The following CLYBL variants were observed in gnomAD, a reference collection of about 807,000 sequenced individuals.
CLYBL encodes the protein citramalyl-CoA lyase, mitochondrial.
Under a neutral mutation model 38.9 loss-of-function variants are expected in CLYBL, and 31 were observed. That is an observed-to-expected ratio of 0.80 (90% confidence interval 0.60 to 1.08). The LOEUF (loss-of-function observed/expected upper bound fraction) is 1.08, where lower values mean the gene tolerates loss of function less well. CLYBL is among the 50% of genes least tolerant of loss of function. CLYBL has a pLI of 0.00. For missense variants in CLYBL, 434 were observed against 411.6 expected, an observed-to-expected ratio of 1.05 and a Z score of -0.47; for synonymous variants, 171 against 158.6, an observed-to-expected ratio of 1.08 and a Z score of -0.59.
intron 6 of CLYBL, among the ~76,000 whole-genome samples, chr13:99,870,600 ATTATCCT>A (rs2051863480): frequency 6.6e-6 from 1 of 152,206 alleles, no homozygotes; most frequent in South Asian, 2.1e-4. Context: ...ATTTGCAGAC[ATTATCCT>A]TTAAAGTCCC....
At chr13:99,668,293 TAG>T (rs774831883) in intron 1 of CLYBL, among the ~76,000 whole-genome samples, 67 of 138,920 alleles carry the variant, frequency 4.8e-4, no homozygotes, top group Non-Finnish European at 9.1e-4. Flanking sequence ...AAATCTTTAA[TAG>T]AACACTGGCG....
intron 1 of CLYBL, among the ~76,000 whole-genome samples, chr13:99,639,922 A>C (rs141403865): frequency 6.6e-5 from 10 of 152,364 alleles, no homozygotes; most frequent in African/African-American, 2.4e-4. Context: ...GCATAGCCTG[A>C]GTACATGATT....
At chr13:99,901,637 A>ATT (rs1413984777), downstream of CLYBL, among the ~76,000 whole-genome samples, 5 of 65,434 alleles carry the variant, frequency 7.6e-5, no homozygotes, top group African/African-American at 1.1e-4. Context: ...GGTTTTTTGG[A>ATT]TTTTTTTGTT....
intron 2 of CLYBL, among the ~76,000 whole-genome samples, chr13:99,837,364 C>T (rs1031974492): frequency 2.0e-5 from 3 of 152,130 alleles, no homozygotes; most frequent in African/African-American, 4.8e-5. Context: ...GTGGGTGGAT[C>T]GTTTGGGCCT....
At chr13:99,639,118 A>G (rs2047060621) in intron 1 of CLYBL, among the ~76,000 whole-genome samples, 1 of 152,210 alleles carries the variant, frequency 6.6e-6, no homozygotes, top group Non-Finnish European at 1.5e-5. Context: ...GGCCATTGGA[A>G]AACCGGCAAT....
At chr13:99,705,339 G>A (rs896022473) in intron 1 of CLYBL, among the ~76,000 whole-genome samples, 3 of 152,120 alleles carry the variant, frequency 2.0e-5, no homozygotes, top group African/African-American at 7.2e-5. Context: ...CCAGCACTTT[G>A]GGAGGCTACG....
chr13:99,793,910 A>G (rs879564833), intron 2 of CLYBL, among the ~76,000 whole-genome samples: 6 of 152,048 alleles, frequency 3.9e-5, no homozygotes, highest in South Asian at 2.1e-4. Context: ...AAGAAAGAAA[A>G]TGCAGCTTAA....
At chr13:99,618,721 C>G (rs1264877240) in intron 1 of CLYBL, among the ~76,000 whole-genome samples, 4 of 152,158 alleles carry the variant, frequency 2.6e-5, no homozygotes, top group African/African-American at 9.7e-5. Flanking sequence ...TCCCTTCCCC[C>G]CACCCAGCCC....
Position 99,821,806 on chromosome 13 carries a change from G to C in CLYBL, c.250-37055G>C, listed in dbSNP as rs141334511. On this transcript the variant is annotated intron_variant, in intron 2 of 8. Coordinates refer to ENST00000339105, the MANE Select transcript of CLYBL (RefSeq NM_206808.5). ...AGAGCTGTCCAGTCCCCATTTGAGGGCTGCTAGCCACATGTCAAGCAGGAA... is the reference window on the plus strand; with the variant it reads ...AGAGCTGTCCAGTCCCCATTTGAGGCCTGCTAGCCACATGTCAAGCAGGAA... 1.6e-4 allele frequency among the ~76,000 whole-genome samples: 25 copies of C among 152,312 alleles called. No individual in the cohort carries two copies. The East Asian group carries it at 4.8e-3, about 29-fold the overall frequency.
At chr13:99,740,246 A>G (rs2048731005) in intron 1 of CLYBL, among the ~76,000 whole-genome samples, 1 of 152,200 alleles carries the variant, frequency 6.6e-6, no homozygotes, top group Admixed American at 6.5e-5. Flanking sequence ...TATTTATGAA[A>G]TCATTTCCTC....
chr13:99,893,428 C>A (rs1167766716), downstream of CLYBL: 1 of 152,392 alleles, frequency 6.6e-6, no homozygotes, highest in Non-Finnish European at 1.5e-5. Context: ...GATGGCTTGG[C>A]AGTGGGAAGG....
intron 1 of CLYBL, among the ~76,000 whole-genome samples, chr13:99,724,045 T>C (rs947120300): frequency 1.3e-5 from 2 of 152,212 alleles, no homozygotes; most frequent in Non-Finnish European, 2.9e-5. Flanking sequence ...TCAGCACTTT[T>C]GTTGTCTTTG....
At chr13:99,706,323 G>A (rs930694045) in intron 1 of CLYBL, among the ~76,000 whole-genome samples, 3 of 152,144 alleles carry the variant, frequency 2.0e-5, no homozygotes, top group African/African-American at 7.2e-5. Flanking sequence ...ATAGCCAAAA[G>A]AGCAAAACTA....
chr13:99,743,225 A>G (rs904479574), intron 1 of CLYBL, among the ~76,000 whole-genome samples: 5 of 152,074 alleles, frequency 3.3e-5, no homozygotes, highest in African/African-American at 4.8e-5. Context: ...TAGCTGCATC[A>G]TTTTACTTCA....
intron 1 of CLYBL, among the ~76,000 whole-genome samples, chr13:99,650,842 A>G (rs2047243434): frequency 6.6e-6 from 1 of 152,036 alleles, no homozygotes; most frequent in African/African-American, 2.4e-5. Context: ...AGCAGCAGTC[A>G]CTCTCAACAC....
At chr13:99,826,188 G>A (rs1177666215) in intron 2 of CLYBL, among the ~76,000 whole-genome samples, 1 of 152,222 alleles carries the variant, frequency 6.6e-6, no homozygotes, top group African/African-American at 2.4e-5. Flanking sequence ...TATTTTGTGA[G>A]TGTGGTCAAC....
chr13:99,893,452 C>T (rs1269433232), downstream of CLYBL: 1 of 152,436 alleles, frequency 6.6e-6, no homozygotes. Flanking sequence ...AAGAAGGCCT[C>T]TCTCACTCTG....
At chr13:99,717,436 G>GAAAAAAAAAAAAAAAAAAAAAA (rs1172721313) in intron 1 of CLYBL, among the ~76,000 whole-genome samples, 1 of 91,084 alleles carries the variant, frequency 1.1e-5, no homozygotes, top group Non-Finnish European at 2.1e-5. Flanking sequence ...AAAAAAATTA[G>GAAAAAAAAAAAAAAAAAAAAAA]AAAAAAAAAA....
chr13:99,720,229 T>C (rs1378100216), intron 1 of CLYBL, among the ~76,000 whole-genome samples: 3 of 152,168 alleles, frequency 2.0e-5, no homozygotes, highest in Non-Finnish European at 2.9e-5. Context: ...TATGCATATT[T>C]TATTTGAGTC....
Sources: gnomAD v4.1 joint callset for allele counts (sites outside exome capture counted in the v4.1 genomes callset) on GRCh38, gnomAD v4.1.1 for gene constraint, MANE v1.5 for transcripts, NCBI Gene and HGNC (gene_info 2026-07-23, HGNC 2026-07-21) for gene names.